Variants in DNM3 observed in about 807,000 individuals in gnomAD.
DNM3 encodes the protein dynamin-3.
A neutral mutation model predicts 101.6 loss-of-function variants in DNM3; 47 were observed. The ratio of observed to expected loss-of-function variants is 0.46; its 90% confidence interval spans 0.37 to 0.59. The LOEUF (loss-of-function observed/expected upper bound fraction) is 0.59, where lower values mean the gene tolerates loss of function less well. DNM3 is among the 20% of genes least tolerant of loss of function. The pLI, the probability that DNM3 is intolerant of heterozygous loss-of-function variation, is 0.00. For missense variants in DNM3, 849 were observed against 1,085.7 expected (o/e 0.78, Z 3.06); for synonymous variants, 385 against 387.9 (o/e 0.99, Z 0.09).
chr1:172,316,225 G>C (rs972661151), intron 16 of DNM3, among the ~76,000 whole-genome samples: 2 of 151,846 alleles, frequency 1.3e-5, no homozygotes, highest in African/African-American at 4.8e-5. Context: ...CCCTGAAAGA[G>C]CTCCTGAAGG....
Position 172,191,600 on chromosome 1 carries a change from C to G in DNM3, c.1659+60312C>G, listed in dbSNP as rs181867728. Among the ~76,000 whole-genome samples, 84 of 152,190 alleles carry G rather than the reference C, an allele frequency of 5.5e-4. 2 individuals carry two copies. In the East Asian group the frequency reaches 0.013, roughly 24 times the overall value. ...GGATGGCATTGAATCTATAAATTAC[C>G]TTGGGCAGTATGGCCATTTTCACAA... On this transcript the variant is annotated intron_variant, in intron 14 of 20. Coordinates refer to ENST00000627582, the MANE Select transcript of DNM3 (RefSeq NM_015569.5).
chr1:172,188,732 G>T (rs370937121), intron 14 of DNM3, among the ~76,000 whole-genome samples: 4 of 152,026 alleles, frequency 2.6e-5, no homozygotes, highest in African/African-American at 9.7e-5. Context: ...GTAAGACTAC[G>T]TTTAGTTTTG....
intron 17 of DNM3, among the ~76,000 whole-genome samples, chr1:172,347,598 A>T (rs1347091297): frequency 6.6e-6 from 1 of 152,170 alleles, no homozygotes. Context: ...AAACTGGAAA[A>T]TCTGTAGTGA....
intron 15 of DNM3, among the ~76,000 whole-genome samples, chr1:172,277,474 G>C (rs542456383): frequency 6.6e-6 from 1 of 152,038 alleles, no homozygotes; most frequent in South Asian, 2.1e-4. Context: ...CAAAGGCAGT[G>C]AGTGTAGGAG....
chr1:172,124,662 A>G (rs1441947109), intron 13 of DNM3, among the ~76,000 whole-genome samples: 2 of 152,172 alleles, frequency 1.3e-5, no homozygotes, highest in Non-Finnish European at 2.9e-5. Context: ...AAGCCACACC[A>G]GTTAAGGTTA....
chr1:172,094,868 G>A (rs926001630), intron 13 of DNM3, among the ~76,000 whole-genome samples: 7 of 152,206 alleles, frequency 4.6e-5, no homozygotes, highest in African/African-American at 1.7e-4. Flanking sequence ...ACCTGTAAAA[G>A]TTTCCTCACA....
intron 15 of DNM3, among the ~76,000 whole-genome samples, chr1:172,254,020 C>A (rs1340547043): frequency 3.9e-5 from 6 of 152,056 alleles, no homozygotes; most frequent in African/African-American, 1.4e-4. Context: ...TGATTCACTG[C>A]AGCCTCGAAC....
chr1:172,182,468 C>A (rs2059384633), intron 14 of DNM3, among the ~76,000 whole-genome samples: 1 of 152,062 alleles, frequency 6.6e-6, no homozygotes. Flanking sequence ...CCCTCAAATG[C>A]AAATATTTCC....
intron 4 of DNM3, among the ~76,000 whole-genome samples, chr1:171,996,881 A>T (rs1019448705): frequency 5.3e-5 from 8 of 152,014 alleles, no homozygotes; most frequent in African/African-American, 1.9e-4. Flanking sequence ...ATATAAAAAA[A>T]ATTAGTGGGA....
rs192573865 is a variant in DNM3 at position 172,181,589 on chromosome 1, G to A, written c.1659+50301G>A. ...TGTGAACGTATTTCTCTACAGAGTT[G>A]TTTTGTAGCCGTATTGCTACTAAAC... On this transcript the variant is annotated intron_variant, in intron 14 of 20. Coordinates refer to ENST00000627582, the MANE Select transcript of DNM3 (RefSeq NM_015569.5). 3.9e-5 allele frequency among the ~76,000 whole-genome samples: 6 copies of A among 152,104 alleles called. No individual in the cohort carries two copies. In the East Asian group the frequency reaches 1.2e-3, roughly 30 times the overall value.
chr1:171,985,670 A>G (rs1313571652), intron 2 of DNM3, among the ~76,000 whole-genome samples: 1 of 152,230 alleles, frequency 6.6e-6, no homozygotes, highest in Non-Finnish European at 1.5e-5. Flanking sequence ...TGTTGTCAGG[A>G]AAGACAGAAA....
At chr1:172,258,661 T>G (rs1202189037) in intron 15 of DNM3, among the ~76,000 whole-genome samples, 1 of 152,052 alleles carries the variant, frequency 6.6e-6, no homozygotes, top group Non-Finnish European at 1.5e-5. Flanking sequence ...GTCTTACGAT[T>G]GTCTTATTGA....
Position 172,294,915 on chromosome 1 carries a change from A to G in DNM3, c.1770-13813A>G, listed in dbSNP as rs553432283. Among the ~76,000 whole-genome samples, 433 of 148,728 alleles carry G rather than the reference A, an allele frequency of 2.9e-3. 5 individuals are homozygous for G. The highest frequency in any genetic ancestry group is 0.01 in the African/African-American group (399 of 39,396). ...CAACAGAGCCAGACTTTGTCTCAAA[A>G]AAAAAAAAAAAAAAAGTAAAAAGTT... On this transcript the variant is annotated intron_variant, in intron 15 of 20. Coordinates refer to ENST00000627582, the MANE Select transcript of DNM3 (RefSeq NM_015569.5).
intron 1 of DNM3, among the ~76,000 whole-genome samples, chr1:171,848,284 C>A (rs1017414694): frequency 6.6e-6 from 1 of 152,098 alleles, no homozygotes; most frequent in East Asian, 1.9e-4. Context: ...TGATAGTTGA[C>A]CAGCAGTGAC....
At chr1:172,108,487 T>C (rs1039448502) in intron 13 of DNM3, among the ~76,000 whole-genome samples, 1 of 152,246 alleles carries the variant, frequency 6.6e-6, no homozygotes, top group African/African-American at 2.4e-5. Context: ...CAAAATGGTT[T>C]ATTTGCCTAG....
chr1:172,024,202 T>G (rs1394119486), intron 4 of DNM3, among the ~76,000 whole-genome samples: 3 of 152,176 alleles, frequency 2.0e-5, no homozygotes, highest in Non-Finnish European at 2.9e-5. Context: ...CACAAAAGTT[T>G]CTATTGTGAC....
intron 14 of DNM3, chr1:172,139,607 C>T (rs2057455509): frequency 6.6e-6 from 1 of 152,254 alleles, no homozygotes; most frequent in Non-Finnish European, 1.5e-5. Flanking sequence ...CTTAAGTTAT[C>T]CACCTCTTAA....
At chr1:172,316,706 G>A (rs1356778396) in intron 16 of DNM3, among the ~76,000 whole-genome samples, 5 of 152,026 alleles carry the variant, frequency 3.3e-5, no homozygotes, top group African/African-American at 1.2e-4. Flanking sequence ...AAATATATAT[G>A]CACCCAATAC....
rs80195585 is a variant in DNM3, at chr1:172,405,834, G to A, written c.2523-1938G>A. ...TTCCAAATATCTACTAAAGAACTGA[G>A]CAGTTAGATACTTTAGAGTCACCAA... On this transcript the variant is annotated intron_variant, in intron 20 of 20. Coordinates refer to ENST00000627582, the MANE Select transcript of DNM3 (RefSeq NM_015569.5). Among the ~76,000 whole-genome samples the A allele has an allele frequency of 1.2e-3, 178 of 151,524 alleles. 5 individuals carry two copies. The East Asian group carries it at 0.032, about 27-fold the overall frequency.
Sources: allele counts gnomAD v4.1 joint callset (sites outside exome capture counted in the v4.1 genomes callset), GRCh38; gene constraint gnomAD v4.1.1; transcripts MANE v1.5; gene names NCBI Gene and HGNC (gene_info 2026-07-23, HGNC 2026-07-21).